FGF13: variants seen among roughly 807,000 people sequenced by gnomAD.
FGF13 encodes the protein fibroblast growth factor homologous factor 2.
In FGF13, 2 loss-of-function variants were observed where a neutral mutation model predicts 19.5. The observed-to-expected ratio is 0.10, with a 90% CI of 0.04 to 0.32. The LOEUF is 0.32. FGF13 is among the 10% of genes least tolerant of loss of function. The pLI is 1.00. For missense variants in FGF13, 113 were observed against 192.7 expected, an observed-to-expected ratio of 0.59 and a Z score of 2.45; for synonymous variants, 72 against 76.9, an observed-to-expected ratio of 0.94 and a Z score of 0.33.
intron 3 of FGF13, among the ~76,000 whole-genome samples, chrX:138,819,394 G>A (rs1044847218): frequency 9.0e-6 from 1 of 111,340 alleles, no homozygotes; most frequent in Non-Finnish European, 1.9e-5. Context: ...AGGTTGGAGT[G>A]AATAATGAAT....
chrX:139,097,666 A>G lies in FGF13; in HGVS notation c.-113+105750T>C, dbSNP rs867020447. ...TCAACATCCATTCACAGAATAAAAT[A>G]TTGTAGTATTCCATTTAAAAGTCTA... On this transcript the variant is annotated intron_variant, in intron 1 of 2. Coordinates refer to the FGF13 transcript ENST00000421460. 2.0e-4 allele frequency among the ~76,000 whole-genome samples: 23 copies of G among 112,328 alleles called. No homozygotes were observed. The Middle Eastern group carries it at 0.028, about 135-fold the overall frequency.
chrX:138,826,875 G>T (rs932051780), intron 3 of FGF13, among the ~76,000 whole-genome samples: 1 of 112,236 alleles, frequency 8.9e-6, no homozygotes, highest in Non-Finnish European at 1.9e-5. Flanking sequence ...CATACCTTAA[G>T]TAACTTTTAT....
At chrX:139,057,512 T>C (rs2092323656) in intron 1 of FGF13, among the ~76,000 whole-genome samples, 1 of 111,550 alleles carries the variant, frequency 9.0e-6, no homozygotes, top group Admixed American at 9.5e-5. Context: ...CCAAAAGAAA[T>C]GGAATGTATA....
At chrX:138,790,064 A>C (rs930565490) in intron 3 of FGF13, among the ~76,000 whole-genome samples, 3 of 95,840 alleles carry the variant, frequency 3.1e-5, no homozygotes, top group Non-Finnish European at 4.2e-5. Flanking sequence ...AAAAAAAAAA[A>C]AAAAAACAAA....
chrX:138,618,770 C>T lies in FGF13; in HGVS notation c.*14080G>A, dbSNP rs1475460364. ...AAAACTTGAGCACTTCAGGGCACCA[C>T]GTTAGAGAAAACAAATGGGAAACTC... is the stretch of plus-strand genomic sequence containing the variant. On this transcript the variant is annotated 3_prime_UTR_variant, in exon 5 of 5. Transcript: ENST00000315930. 2 of 111,543 alleles carry T rather than the reference C, an allele frequency of 1.8e-5. No homozygotes were observed. Among genetic ancestry groups the T allele is most frequent in the African/African-American group, 6.5e-5 (2 of 30,644 alleles). 9.2% of individuals were successfully genotyped at this position (111,543 alleles called of 1,213,427 possible). A position where few individuals can be genotyped will look rare whatever the true frequency, so the allele number is the denominator to read the frequency against.
At chrX:139,167,488 C>T (rs2084096439) in intron 1 of FGF13, among the ~76,000 whole-genome samples, 2 of 111,761 alleles carry the variant, frequency 1.8e-5, no homozygotes, top group South Asian at 7.6e-4. Context: ...TTAATGTTGG[C>T]AACATCTGAA....
At chrX:138,734,280 G>A (rs1408711702) in intron 1 of FGF13, among the ~76,000 whole-genome samples, 7 of 111,722 alleles carry the variant, frequency 6.3e-5, no homozygotes, top group Non-Finnish European at 1.1e-4. Context: ...TTTGTCATCT[G>A]TCTTATTATC....
chrX:139,014,161 A>C (rs147598873), intron 1 of FGF13, among the ~76,000 whole-genome samples: 36 of 111,776 alleles, frequency 3.2e-4, no homozygotes, highest in Non-Finnish European at 5.9e-4. Flanking sequence ...AAAAGAAATA[A>C]AAAACTTAAA....
At chrX:138,779,682 G>A (rs1171174490) in intron 3 of FGF13, among the ~76,000 whole-genome samples, 5 of 110,432 alleles carry the variant, frequency 4.5e-5, no homozygotes, top group Non-Finnish European at 5.7e-5. Context: ...CCAAATCTAC[G>A]TCTGATTGGT....
intron 1 of FGF13, among the ~76,000 whole-genome samples, chrX:139,051,979 A>C (rs894767844): frequency 8.9e-6 from 1 of 112,663 alleles, no homozygotes; most frequent in Admixed American, 9.4e-5. Context: ...CCAGTTTAGC[A>C]GAAGTTGCTT....
chrX:138,741,276 C>T (rs966697200), upstream of FGF13, among the ~76,000 whole-genome samples: 1 of 111,773 alleles, frequency 8.9e-6, no homozygotes, highest in African/African-American at 3.3e-5. Flanking sequence ...TTCAGCTGTG[C>T]CATAGCTTCT....
chrX:138,792,739 C>G (rs2124374803), intron 3 of FGF13, among the ~76,000 whole-genome samples: 1 of 111,035 alleles, frequency 9.0e-6, no homozygotes, highest in South Asian at 3.8e-4. Context: ...TGGAAGGCAG[C>G]CATAATTCTC....
intron 1 of FGF13, among the ~76,000 whole-genome samples, chrX:138,959,584 T>G (rs2124301028): frequency 9.0e-6 from 1 of 111,249 alleles, no homozygotes; most frequent in Admixed American, 9.6e-5. Context: ...CTTGTTAATC[T>G]TCTGTCTCTG....
At chrX:138,884,175 G>C (rs1175103915) in intron 1 of FGF13, among the ~76,000 whole-genome samples, 2 of 112,228 alleles carry the variant, frequency 1.8e-5, no homozygotes, top group Non-Finnish European at 3.8e-5. Context: ...GAGAAATAGA[G>C]AGCCAGACAA....
chrX:139,150,489 T>A (rs1320436204), intron 1 of FGF13, among the ~76,000 whole-genome samples: 1 of 112,040 alleles, frequency 8.9e-6, no homozygotes, highest in Non-Finnish European at 1.9e-5. Context: ...GATGAGGTGG[T>A]GTTAAAGAGA....
At chrX:139,041,421 G>A (rs896268755) in intron 1 of FGF13, among the ~76,000 whole-genome samples, 1 of 110,939 alleles carries the variant, frequency 9.0e-6, no homozygotes, top group African/African-American at 3.3e-5. Context: ...AGATTATAAC[G>A]TGCATACAAA....
At chrX:138,649,532 T>C (rs1320084567) in intron 3 of FGF13, among the ~76,000 whole-genome samples, 1 of 111,804 alleles carries the variant, frequency 8.9e-6, no homozygotes, top group Non-Finnish European at 1.9e-5. Context: ...GGGGTAGGGT[T>C]GCATGCACTC....
At chrX:138,934,493 C>T (rs971769367) in intron 1 of FGF13, among the ~76,000 whole-genome samples, 1 of 112,552 alleles carries the variant, frequency 8.9e-6, no homozygotes, top group Non-Finnish European at 1.9e-5. Flanking sequence ...GTCTGAAGCA[C>T]AGTAACAATT....
chrX:138,970,340 C>A (rs903148569), intron 1 of FGF13, among the ~76,000 whole-genome samples: 20 of 111,247 alleles, frequency 1.8e-4, no homozygotes, highest in Non-Finnish European at 3.8e-4. Flanking sequence ...TACAGTGAGT[C>A]ACGCAGCTAC....
Sources: allele counts gnomAD v4.1 joint callset (sites outside exome capture counted in the v4.1 genomes callset), GRCh38; gene constraint gnomAD v4.1.1; transcripts MANE v1.5; gene names NCBI Gene and HGNC (gene_info 2026-07-23, HGNC 2026-07-21).